The following PELI2 variants were observed in gnomAD, a reference collection of about 807,000 sequenced individuals.
PELI2 encodes the protein E3 ubiquitin-protein ligase pellino homolog 2.
PELI2 carries 23 observed loss-of-function variants against 42.3 expected under a neutral mutation model. That is an observed-to-expected ratio of 0.54 (90% CI 0.39 to 0.77). The LOEUF is 0.77. Among genes scored for constraint, PELI2 ranks in the 30% least tolerant of loss-of-function variants. The probability of loss-of-function intolerance (pLI) is 0.00; values close to 1 mark genes in which losing one functional copy is unlikely to be tolerated. For missense variants in PELI2, 463 were observed against 553.2 expected, an observed-to-expected ratio of 0.84 and a Z score of 1.64; for synonymous variants, 245 against 212.2, an observed-to-expected ratio of 1.15 and a Z score of -1.34.
chr14:56,285,190 A>G (rs781758313), intron 3 of PELI2, among the ~76,000 whole-genome samples: 4 of 152,256 alleles, frequency 2.6e-5, no homozygotes, highest in Admixed American at 6.5e-5. Flanking sequence ...CAAGTAAGAC[A>G]TAATGGTAAC....
At chr14:56,283,382 GT>G (rs1387029131) in intron 3 of PELI2, among the ~76,000 whole-genome samples, 2 of 152,170 alleles carry the variant, frequency 1.3e-5, no homozygotes, top group African/African-American at 4.8e-5. Flanking sequence ...TGCTAATACA[GT>G]TTGGTGCCAC....
intron 1 of PELI2, among the ~76,000 whole-genome samples, chr14:56,160,142 G>A (rs576512154): frequency 1.3e-5 from 2 of 152,144 alleles, no homozygotes; most frequent in African/African-American, 4.8e-5. Flanking sequence ...GGAAGTAACA[G>A]AGTGCTTGCC....
At chr14:56,277,481 A>T (rs1012519513) in intron 2 of PELI2, among the ~76,000 whole-genome samples, 17 of 151,990 alleles carry the variant, frequency 1.1e-4, no homozygotes, top group African/African-American at 4.1e-4. Context: ...ATTCAACATT[A>T]TGGTGAGTTG....
At chr14:56,241,976 C>T (rs1184202779) in intron 2 of PELI2, among the ~76,000 whole-genome samples, 1 of 152,146 alleles carries the variant, frequency 6.6e-6, no homozygotes, top group African/African-American at 2.4e-5. Flanking sequence ...AAACGAGATC[C>T]AGCACAAGAA....
intron 2 of PELI2, among the ~76,000 whole-genome samples, chr14:56,267,451 G>A (rs892036386): frequency 6.6e-6 from 1 of 152,068 alleles, no homozygotes; most frequent in Admixed American, 6.5e-5. Flanking sequence ...GATATATCCA[G>A]GCTTTGAAGA....
chr14:56,281,283 G>A (rs1174340908), intron 3 of PELI2, among the ~76,000 whole-genome samples: 3 of 152,088 alleles, frequency 2.0e-5, no homozygotes, highest in Admixed American at 6.6e-5. Flanking sequence ...CCAGGAGTAG[G>A]TAAGAATGAT....
intron 2 of PELI2, among the ~76,000 whole-genome samples, chr14:56,191,010 A>G (rs754063947): frequency 3.9e-5 from 6 of 152,222 alleles, no homozygotes; most frequent in African/African-American, 1.4e-4. Flanking sequence ...ACTCTATGGT[A>G]AACTCTGGAT....
Position 56,143,794 on chromosome 14 carries a change from A to G in PELI2, c.77+25057A>G, listed in dbSNP as rs181390793. ...ACATGCCCCATTGGGCACTTCCTTGATTTTTAGCAGCATATGATGTTTTAG... is the reference window on the plus strand; with the variant it reads ...ACATGCCCCATTGGGCACTTCCTTGGTTTTTAGCAGCATATGATGTTTTAG... On this transcript the variant is annotated intron_variant, in intron 1 of 5. Coordinates refer to ENST00000267460, the MANE Select transcript of PELI2 (RefSeq NM_021255.3). Among the ~76,000 whole-genome samples, 60 of 152,272 alleles carry G rather than the reference A, an allele frequency of 3.9e-4. 1 individual carries two copies. Among genetic ancestry groups the G allele is most frequent in the African/African-American group, 1.4e-3 (60 of 41,558 alleles).
chr14:56,160,221 T>C (rs12436214), intron 1 of PELI2, among the ~76,000 whole-genome samples: 63,968 of 151,852 alleles, frequency 0.42, 13,888 homozygotes, highest in South Asian at 0.53. Flanking sequence ...TCCTGTGAGC[T>C]AGTTAACTCT....
At chr14:56,235,766 A>G (rs1320186079) in intron 2 of PELI2, among the ~76,000 whole-genome samples, 1 of 152,224 alleles carries the variant, frequency 6.6e-6, no homozygotes, top group Non-Finnish European at 1.5e-5. Flanking sequence ...ATAAGCATGT[A>G]TCCTGCAGAG....
chr14:56,231,316 C>T (rs1285430166), intron 2 of PELI2, among the ~76,000 whole-genome samples: 1 of 152,208 alleles, frequency 6.6e-6, no homozygotes, highest in East Asian at 1.9e-4. Context: ...TTCTTCTCAG[C>T]ACCACATTGC....
rs531124616 is a variant in PELI2 at position 56,118,628 on chromosome 14, T to G, written c.-33T>G. On this transcript the variant is annotated 5_prime_UTR_variant, in exon 1 of 6. Coordinates refer to ENST00000267460, the MANE Select transcript of PELI2 (RefSeq NM_021255.3). ...GGGGATCGCGGCGGAGGCGGCGGCG[T>G]CGGCGGCGGCGTCGGCGGCCGAGCG... is the stretch of plus-strand genomic sequence containing the variant. 1.7e-4 allele frequency: 221 copies of G among 1,297,684 alleles called. 1 individual carries two copies. Among genetic ancestry groups the G allele is most frequent in the Non-Finnish European group, 2.1e-4 (208 of 1,001,298 alleles). 80.4% of individuals were successfully genotyped at this position (1,297,684 alleles called of 1,614,324 possible).
chr14:56,285,791 C>T (rs1314692757), intron 3 of PELI2, among the ~76,000 whole-genome samples: 9 of 152,098 alleles, frequency 5.9e-5, no homozygotes, highest in African/African-American at 2.2e-4. Context: ...TCCAAGAAGT[C>T]TTGCTGTTAA....
At chr14:56,267,533 T>C (rs965885269) in intron 2 of PELI2, among the ~76,000 whole-genome samples, 5 of 152,184 alleles carry the variant, frequency 3.3e-5, no homozygotes, top group Non-Finnish European at 7.4e-5. Context: ...TTACTCAAAA[T>C]TTTGTATATT....
intron 2 of PELI2, among the ~76,000 whole-genome samples, chr14:56,250,055 C>G (rs954538630): frequency 6.6e-6 from 1 of 152,156 alleles, no homozygotes; most frequent in Non-Finnish European, 1.5e-5. Context: ...CCCTATCCTC[C>G]TTACTGAGGA....
At chr14:56,177,713 G>A (rs1427399890) in intron 1 of PELI2, among the ~76,000 whole-genome samples, 3 of 152,148 alleles carry the variant, frequency 2.0e-5, no homozygotes, top group African/African-American at 7.2e-5. Flanking sequence ...AAACTCATGT[G>A]TATATTTTTG....
chr14:56,253,399 G>T (rs542930021), intron 2 of PELI2, among the ~76,000 whole-genome samples: 1 of 152,286 alleles, frequency 6.6e-6, no homozygotes, highest in South Asian at 2.1e-4. Flanking sequence ...TAGGAAAATA[G>T]GAAGTCACAT....
chr14:56,175,349 C>T (rs867781467), intron 1 of PELI2, among the ~76,000 whole-genome samples: 9 of 152,214 alleles, frequency 5.9e-5, no homozygotes, highest in African/African-American at 2.2e-4. Context: ...TCTAATGCGT[C>T]CTGCCATGTG....
chr14:56,190,091 T>C (rs557678410), intron 2 of PELI2, among the ~76,000 whole-genome samples: 2 of 152,246 alleles, frequency 1.3e-5, no homozygotes, highest in Admixed American at 6.5e-5. Flanking sequence ...GACCTCTAAA[T>C]TGAGGTTTCA....
Sources: allele counts gnomAD v4.1 joint callset (sites outside exome capture counted in the v4.1 genomes callset), GRCh38; gene constraint gnomAD v4.1.1; transcripts MANE v1.5; gene names NCBI Gene and HGNC (gene_info 2026-07-23, HGNC 2026-07-21).